The following VMAC variants were observed in gnomAD, a reference collection of about 807,000 sequenced individuals.
The protein encoded by VMAC is vimentin type intermediate filament associated coiled-coil protein, also known as vimentin-type intermediate filament-associated coiled-coil protein.
In VMAC, 8 loss-of-function variants were observed where a neutral mutation model predicts 4.8. The observed-to-expected ratio is 1.68, with a 90% CI of 0.99 to 3.03. The LOEUF is 3.03. Ranked by LOEUF, VMAC falls within the 30% of genes most tolerant of loss-of-function variation. VMAC has a pLI of 0.00. For synonymous variants in VMAC, 96 were observed against 113.7 expected (o/e 0.84, Z 0.99); for missense variants, 248 against 245.1 (o/e 1.01, Z -0.08).
In VMAC at chr19:5,908,839, CCAGGAGCAGCTGATGACCT is replaced by C. The variant is rs763368529; in HGVS notation, c.211_229del (p.Glu71LysfsTer144). ...TTCCTGCCAGTGAGATTGCCACACT[CCAGGAGCAGCTGATGACCT>C]CAGAAGCCACTGTCCACAGCCTGCA... On this transcript the variant is annotated frameshift_variant, in exon 2 of 2. Coordinates refer to ENST00000339485, the MANE Select transcript of VMAC (RefSeq NM_001017921.4). LOFTEE classifies it low-confidence loss of function (END_TRUNC). The surrounding 1 kb of genome is among the most constrained non-coding windows in gnomAD (Gnocchi z 4.5). 4.0e-5 allele frequency: 65 copies of C among 1,613,628 alleles called. No homozygotes were observed. The highest frequency in any genetic ancestry group is 5.4e-5 in the Non-Finnish European group (64 of 1,179,944).
intron 1 of VMAC, among the ~76,000 whole-genome samples, chr19:5,905,812 A>G (rs2144969992): frequency 6.6e-6 from 1 of 151,902 alleles, no homozygotes; most frequent in African/African-American, 2.4e-5. Flanking sequence ...CTCCCACCTC[A>G]GTCTCCCAAG....
In VMAC at chr19:5,904,997, C is replaced by G; in HGVS notation, c.107C>G (p.Thr36Arg). Residue 36 changes from threonine (T) to arginine (R), a missense_variant, in exon 1 of 2, where the codon ACG becomes AGG. By Grantham distance (71) the Thr-to-Arg change is moderately conservative (BLOSUM62 -1). Coordinates refer to ENST00000339485, the MANE Select transcript of VMAC (RefSeq NM_001017921.4). ...LEARLDAAER[T>R]VHAQAERLAL... is the part of the protein sequence containing the mutation. ...GCGCGGCTGGACGCGGCGGAGCGCACGGTGCACGCCCAAGCCGAGCGCCTG... is the reference window on the plus strand; with the variant it reads ...GCGCGGCTGGACGCGGCGGAGCGCAGGGTGCACGCCCAAGCCGAGCGCCTG... 1 of 1,442,196 alleles carries G rather than the reference C, an allele frequency of 6.9e-7. No individual in the cohort carries two copies. The highest frequency in any genetic ancestry group is 9.0e-7 in the Non-Finnish European group (1 of 1,107,698). 89.3% of individuals were successfully genotyped at this position (1,442,196 alleles called of 1,614,324 possible). A position where few individuals can be genotyped will look rare whatever the true frequency, so the allele number is the denominator to read the frequency against.
rs1048536685 is a variant in VMAC at position 5,910,549 on chromosome 19, T to A, written c.*1407T>A. 2 of 151,818 alleles carry A rather than the reference T, an allele frequency of 1.3e-5. No individual in the cohort carries two copies. The highest frequency in any genetic ancestry group is 2.9e-5 in the Non-Finnish European group (2 of 67,988). The allele number at this position is 151,818 out of a possible 1,614,324, so 9.4% of individuals were successfully genotyped here. ...CCGTCTCTACTAAAAATACTAAAATTAGCCGGGCTTGGTGGCGGGTGCCTG... is the reference window on the plus strand; with the variant it reads ...CCGTCTCTACTAAAAATACTAAAATAAGCCGGGCTTGGTGGCGGGTGCCTG... On this transcript the variant is annotated 3_prime_UTR_variant, in exon 2 of 2. Coordinates refer to ENST00000339485, the MANE Select transcript of VMAC (RefSeq NM_001017921.4).
chr19:5,907,199 G>A (rs1198819543), intron 1 of VMAC, among the ~76,000 whole-genome samples: 2 of 152,118 alleles, frequency 1.3e-5, no homozygotes, highest in Non-Finnish European at 2.9e-5. Context: ...TCACAGGGCA[G>A]AGAGAGCCAG....
chr19:5,907,498 C>A (rs1055242616), intron 1 of VMAC, among the ~76,000 whole-genome samples: 1 of 151,074 alleles, frequency 6.6e-6, no homozygotes, highest in Non-Finnish European at 1.5e-5. Flanking sequence ...GATGGCTGGG[C>A]GCAATGGCTC....
chr19:5,905,900 GC>G (rs1402924443), intron 1 of VMAC, among the ~76,000 whole-genome samples: 1 of 152,016 alleles, frequency 6.6e-6, no homozygotes, highest in Non-Finnish European at 1.5e-5. Context: ...TTGCCCTGTT[GC>G]CCAGTTTGGT....
Position 5,909,314 on chromosome 19 carries a change from C to A in VMAC, c.*172C>A. ...AATAGGCCCACAGGCCAGGTGCAGACGTTTAACCCAGACAGAAGTGTTCTT... is the reference window on the plus strand; with the variant it reads ...AATAGGCCCACAGGCCAGGTGCAGAAGTTTAACCCAGACAGAAGTGTTCTT... On this transcript the variant is annotated 3_prime_UTR_variant, in exon 2 of 2. Transcript: ENST00000339485. 1.6e-6 allele frequency: 1 copy of A among 629,466 alleles called. No individual in the cohort carries two copies. Among genetic ancestry groups the A allele is most frequent in the Non-Finnish European group, 2.6e-6 (1 of 384,226 alleles). The allele number at this position is 629,466 out of a possible 1,614,324, so 39.0% of individuals were successfully genotyped here. A position where few individuals can be genotyped will look rare whatever the true frequency, so the allele number is the denominator to read the frequency against.
chr19:5,906,110 C>A (rs1330669467), intron 1 of VMAC, among the ~76,000 whole-genome samples: 2 of 150,726 alleles, frequency 1.3e-5, no homozygotes, highest in African/African-American at 4.9e-5. Flanking sequence ...GGATTACAGG[C>A]GTGCGACAGC....
intron 1 of VMAC, among the ~76,000 whole-genome samples, 163 bp downstream of exon 1, chr19:5,905,244 G>C (rs981140335): frequency 6.6e-6 from 1 of 152,208 alleles, no homozygotes; most frequent in African/African-American, 2.4e-5. Context: ...TTAGTAATCA[G>C]TATGTAAAGT....
In VMAC at chr19:5,904,880, C is replaced by T; in HGVS notation, c.-11C>T. ...TGGGGGCGTGGCCGGGCCTGTACAG[C>T]AGCCTGGGCCATGTCGGCGCCGCCG... On this transcript the variant is annotated 5_prime_UTR_variant, in exon 1 of 2. Coordinates refer to ENST00000339485, the MANE Select transcript of VMAC (RefSeq NM_001017921.4). 1 of 1,463,176 alleles carries T rather than the reference C, an allele frequency of 6.8e-7. No individual in the cohort carries two copies. Among genetic ancestry groups the T allele is most frequent in the Non-Finnish European group, 8.9e-7 (1 of 1,117,752 alleles). 90.6% of individuals were successfully genotyped at this position (1,463,176 alleles called of 1,614,324 possible).
chr19:5,908,806 C>G lies in VMAC; in HGVS notation c.192-18C>G. On this transcript the variant is annotated intron_variant, in intron 1 of 1. Transcript: ENST00000339485. This position sits in a 1 kb window ranked among gnomAD's most constrained non-coding sequence, Gnocchi z 4.5. The stretch of plus-strand genomic sequence containing the variant: ...TGGTCCTCAGTTCTGTAATCACCTC[C>G]TCTTGCCTTCCTGCCAGTGAGATTG... 2.2e-5 allele frequency: 35 copies of G among 1,613,076 alleles called. No individual in the cohort carries two copies. The highest frequency in any genetic ancestry group is 3.0e-5 in the Non-Finnish European group (35 of 1,179,680).
intron 1 of VMAC, 33 bp downstream of exon 1, chr19:5,905,114 C>T (rs1031577265): frequency 3.0e-6 from 4 of 1,334,110 alleles, no homozygotes; most frequent in Admixed American, 8.3e-5. Flanking sequence ...TGGACTTCAC[C>T]GAGGCGGTAG....
rs2057693377 is a variant in VMAC, at chr19:5,910,325, G to A, written c.*1183G>A. 6.6e-6 allele frequency: 1 copy of A among 152,218 alleles called. No homozygotes were observed. Among genetic ancestry groups the A allele is most frequent in the Non-Finnish European group, 1.5e-5 (1 of 68,052 alleles). 9.4% of individuals were successfully genotyped at this position (152,218 alleles called of 1,614,324 possible). A position where few individuals can be genotyped will look rare whatever the true frequency, so the allele number is the denominator to read the frequency against. ...GGCCAGGTAGAATCTAGGGAGTGTA[G>A]GCCAAGCACTCTCTACAGCGATTGC... is the stretch of plus-strand genomic sequence containing the variant. On this transcript the variant is annotated 3_prime_UTR_variant, in exon 2 of 2. Coordinates refer to ENST00000339485, the MANE Select transcript of VMAC (RefSeq NM_001017921.4).
chr19:5,908,904 A>T lies in VMAC; in HGVS notation c.272A>T (p.Asp91Val). 1 of 1,613,872 alleles carries T rather than the reference A, an allele frequency of 6.2e-7. No individual in the cohort carries two copies. The highest frequency in any genetic ancestry group is 8.5e-7 in the Non-Finnish European group (1 of 1,179,968). The change falls in exon 2 of 2, where the codon GAC (aspartate) becomes GTC (valine). Residue 91 changes from aspartate to valine, a missense_variant. Transcript: ENST00000339485. This position sits in a 1 kb window ranked among gnomAD's most constrained non-coding sequence, Gnocchi z 4.5. ...HSLQATVHQR[D>V]ELIRQLQPRA... is the part of the protein sequence containing the mutation. ...CTGCAGGCCACCGTGCACCAGAGGG[A>T]CGAGCTCATTAGGCAGTTGCAGCCC...
In VMAC at chr19:5,909,322, C is replaced by G; in HGVS notation, c.*180C>G. ...CACAGGCCAGGTGCAGACGTTTAAC[C>G]CAGACAGAAGTGTTCTTGTTTGTTT... is the stretch of plus-strand genomic sequence containing the variant. On this transcript the variant is annotated 3_prime_UTR_variant, in exon 2 of 2. Coordinates refer to ENST00000339485, the MANE Select transcript of VMAC (RefSeq NM_001017921.4). 1.6e-6 allele frequency: 1 copy of G among 609,116 alleles called. No homozygotes were observed. The allele number at this position is 609,116 out of a possible 1,614,324, so 37.7% of individuals were successfully genotyped here.
intron 1 of VMAC, among the ~76,000 whole-genome samples, chr19:5,906,987 A>G (rs113205092): frequency 6.6e-6 from 1 of 152,260 alleles, no homozygotes; most frequent in Non-Finnish European, 1.5e-5. Flanking sequence ...AAATTGTGCC[A>G]CTGCACTCCA....
At chr19:5,905,717 C>T (rs929901987) in intron 1 of VMAC, among the ~76,000 whole-genome samples, 1 of 151,638 alleles carries the variant, frequency 6.6e-6, no homozygotes, top group African/African-American at 2.4e-5. Context: ...CCACCGCACC[C>T]GGCCTAAATT....
chr19:5,908,783 G>A lies in VMAC; in HGVS notation c.192-41G>A, dbSNP rs2144973057. ...AGAGCAGGGAGGAGCAGGTGCTGTG[G>A]TCCTCAGTTCTGTAATCACCTCCTC... On this transcript the variant is annotated intron_variant, in intron 1 of 1. Transcript: ENST00000339485. This position sits in a 1 kb window ranked among gnomAD's most constrained non-coding sequence, Gnocchi z 4.5. The A allele has an allele frequency of 6.2e-7, 1 of 1,603,794 alleles. No homozygotes were observed. The highest frequency in any genetic ancestry group is 2.2e-5 in the East Asian group (1 of 44,804).
intron 1 of VMAC, among the ~76,000 whole-genome samples, chr19:5,905,668 G>A (rs1390405339): frequency 6.6e-6 from 1 of 151,562 alleles, no homozygotes; most frequent in African/African-American, 2.4e-5. Flanking sequence ...TGATCCGCCC[G>A]CCTCAGCCTC....
Sources: gnomAD v4.1 joint callset for allele counts (sites outside exome capture counted in the v4.1 genomes callset) on GRCh38, gnomAD v4.1.1 for gene constraint, Gnocchi (gnomAD v3.1) non-coding constraint, MANE v1.5 for transcripts, NCBI Gene and HGNC (gene_info 2026-07-23, HGNC 2026-07-21) for gene names.